The following CPLANE1 variants were observed in gnomAD, a reference collection of about 807,000 sequenced individuals.
CPLANE1 encodes the protein ciliogenesis and planar polarity effector 1.
CPLANE1 carries 263 observed loss-of-function variants against 362.5 expected under a neutral mutation model. The observed-to-expected ratio is 0.73, with a 90% CI of 0.66 to 0.80. The LOEUF is 0.80. Ranked by LOEUF, CPLANE1 falls within the 30% of genes least tolerant of loss-of-function variation. CPLANE1 has a pLI of 0.00. For missense variants in CPLANE1, 3,461 were observed against 3,793.4 expected, an observed-to-expected ratio of 0.91 and a Z score of 2.30; for synonymous variants, 1,212 against 1,302.6, an observed-to-expected ratio of 0.93 and a Z score of 1.50.
In CPLANE1 at chr5:37,158,228, T is replaced by C. The variant is rs1775743393; in HGVS notation, c.7808A>G (p.Asn2603Ser). The change falls in exon 39 of 53, where the codon AAC (asparagine) becomes AGC (serine). Residue 2603 changes from asparagine (N) to serine (S), a missense_variant. This residue lies in a region of CPLANE1 where 3,380 missense variants were observed against 3,666.1 expected (regional missense o/e 0.92). Coordinates refer to ENST00000651892, the MANE Select transcript of CPLANE1 (RefSeq NM_001384732.1). ...WSPSIPHTVT[N>S]LVGHTYINVI... ...ACTTCTGAATAAAACACAAACCAAG[T>C]TTGTTACTGTATGAGGTATTGAGGG... is the stretch of plus-strand genomic sequence containing the variant. 3 of 1,613,324 alleles carry C rather than the reference T, an allele frequency of 1.9e-6. No homozygotes were observed. The highest frequency in any genetic ancestry group is 1.7e-5 in the Admixed American group (1 of 59,942).
intron 32 of CPLANE1, among the ~76,000 whole-genome samples, chr5:37,172,434 A>T (rs2150987387): frequency 6.6e-6 from 1 of 152,310 alleles, no homozygotes; most frequent in Middle Eastern, 3.4e-3. Context: ...AGTGATTCTT[A>T]ATCTTTTGTG....
chr5:37,245,416 G>A (rs1739321719), intron 4 of CPLANE1, 63 bp downstream of exon 4: 3 of 1,296,358 alleles, frequency 2.3e-6, no homozygotes, highest in African/African-American at 1.5e-5. Context: ...ACAGAAAAAT[G>A]TTTCATCCTC....
chr5:37,139,613 A>C, intron 44 of CPLANE1: 1 of 692,936 alleles, frequency 1.4e-6, no homozygotes, highest in Non-Finnish European at 1.9e-6. Flanking sequence ...GTGCAGCGAC[A>C]TGGTCATGGC....
chr5:37,165,806 C>A, intron 35 of CPLANE1, 135 bp from the exon 36 acceptor site: 1 of 799,344 alleles, frequency 1.3e-6, no homozygotes, highest in Non-Finnish European at 1.9e-6. Context: ...ATTAAATTGG[C>A]AAGATATTCT....
chr5:37,101,896 TTATAG>T (rs1272581029), downstream of CPLANE1, among the ~76,000 whole-genome samples: 1 of 152,206 alleles, frequency 6.6e-6, no homozygotes, highest in Non-Finnish European at 1.5e-5. Context: ...ATAGAGGTGT[TTATAG>T]TATTCTCTGA....
At chr5:37,116,640 C>G (rs980597593) in intron 50 of CPLANE1, among the ~76,000 whole-genome samples, 2 of 150,754 alleles carry the variant, frequency 1.3e-5, no homozygotes, top group African/African-American at 4.9e-5. Context: ...AATTTCCTAA[C>G]AGTATGGAAG....
chr5:37,200,000 A>G (rs1788674716), intron 19 of CPLANE1, among the ~76,000 whole-genome samples: 1 of 152,212 alleles, frequency 6.6e-6, no homozygotes, highest in South Asian at 2.1e-4. Flanking sequence ...GGACATGGAC[A>G]AGGCATCCTT....
At chr5:37,144,185 G>A (rs554841657) in intron 43 of CPLANE1, among the ~76,000 whole-genome samples, 4 of 150,634 alleles carry the variant, frequency 2.7e-5, no homozygotes, top group South Asian at 2.1e-4. Flanking sequence ...CAAGGTGGGC[G>A]GATCATGAGA....
At chr5:37,248,442 C>T (rs1581090319) in intron 1 of CPLANE1, among the ~76,000 whole-genome samples, 1 of 152,148 alleles carries the variant, frequency 6.6e-6, no homozygotes, top group East Asian at 1.9e-4. Flanking sequence ...ATTAGATGGG[C>T]TTGTTTTTTT....
At chr5:37,093,571 C>G in the CPLANE1 span, among the ~76,000 whole-genome samples, 2 of 152,178 alleles carry the variant, frequency 1.3e-5, no homozygotes, top group Non-Finnish European at 2.9e-5. Flanking sequence ...GGTTAGACCC[C>G]CACTCCTGGG....
intron 15 of CPLANE1, among the ~76,000 whole-genome samples, chr5:37,215,375 C>G (rs545057122): frequency 9.9e-5 from 15 of 152,026 alleles, no homozygotes; most frequent in Non-Finnish European, 2.2e-4. Flanking sequence ...ATACAACTTT[C>G]CTTTCTCTGG....
intron 25 of CPLANE1, 58 bp downstream of exon 25, chr5:37,184,730 C>T: frequency 6.7e-7 from 1 of 1,486,102 alleles, no homozygotes; most frequent in Non-Finnish European, 9.1e-7. Context: ...TCATCAGATG[C>T]CTGAAAGCTA....
rs186795209 is a variant in CPLANE1, at chr5:37,160,621, T to G, written c.7690+1844A>C. Among the ~76,000 whole-genome samples, 1,003 of 152,120 alleles carry G rather than the reference T, an allele frequency of 6.6e-3. 8 individuals are homozygous for G. The highest frequency in any genetic ancestry group is 0.023 in the African/African-American group (944 of 41,494). On this transcript the variant is annotated intron_variant, in intron 38 of 52. Transcript: ENST00000651892. ...GAGTCATCATTTATATCAAAACCAT[T>G]TTACATGTGCTCAACTTCATTCAGA... is the stretch of plus-strand genomic sequence containing the variant.
At position 37,125,266 on chromosome 5, in the gene CPLANE1, G is replaced by T. The variant is rs113008648; in HGVS notation, c.8936C>A (p.Pro2979His). 1 of 1,613,772 alleles carries T rather than the reference G, an allele frequency of 6.2e-7. No homozygotes were observed. The highest frequency in any genetic ancestry group is 2.2e-5 in the East Asian group (1 of 44,834). Reference sequence around the variant, plus strand: ...TACTGGATTGCTTCTGGGACAGAAAGGATCATGTTCTTGCCCTCTCTTTTC... The same window carrying T: ...TACTGGATTGCTTCTGGGACAGAAATGATCATGTTCTTGCCCTCTCTTTTC... ...LAEKRGQEHDPFCPRSNPLYM... is the reference protein window; with the variant it reads ...LAEKRGQEHDHFCPRSNPLYM... Residue 2979 changes from proline (P) to histidine (H), a missense_variant, in exon 47 of 53, where the codon CCT (proline) becomes CAT (histidine). By Grantham distance (77) the Pro-to-His change is moderately conservative. This residue lies in a region of CPLANE1 where 3,380 missense variants were observed against 3,666.1 expected (regional missense o/e 0.92). Transcript: ENST00000651892.
At chr5:37,202,900 C>T (rs190115200) in intron 18 of CPLANE1, among the ~76,000 whole-genome samples, 59 of 151,126 alleles carry the variant, frequency 3.9e-4, no homozygotes, top group African/African-American at 1.4e-3. Flanking sequence ...AAATCTATGT[C>T]CCTATCTATT....
chr5:37,120,026 T>C (rs1291482275), intron 50 of CPLANE1, among the ~76,000 whole-genome samples, 190 bp downstream of exon 50: 3 of 151,844 alleles, frequency 2.0e-5, no homozygotes, highest in Admixed American at 6.6e-5. Flanking sequence ...TTTAGGAAGA[T>C]TCCTAGGGCC....
chr5:37,162,361 C>T, intron 38 of CPLANE1, 104 bp downstream of exon 38: 2 of 688,438 alleles, frequency 2.9e-6, no homozygotes, highest in Non-Finnish European at 2.4e-6. Context: ...AATAATATCA[C>T]ATAATTAAAA....
chr5:37,211,803 G>A, intron 16 of CPLANE1: 2 of 801,242 alleles, frequency 2.5e-6, no homozygotes, highest in South Asian at 1.3e-5. Flanking sequence ...ATTTTCAGAT[G>A]CGGACAAGCT....
At chr5:37,212,096 A>G in intron 16 of CPLANE1, 2 of 911,502 alleles carry the variant, frequency 2.2e-6, no homozygotes, top group South Asian at 2.6e-5. Context: ...GGGAAAGAAG[A>G]GAACTAGAAA....
Sources: allele counts gnomAD v4.1 joint callset (sites outside exome capture counted in the v4.1 genomes callset), GRCh38; gene constraint gnomAD v4.1.1; regional missense constraint gnomAD v4.1.1; transcripts MANE v1.5; gene names NCBI Gene and HGNC (gene_info 2026-07-23, HGNC 2026-07-21).